Variants in PTPRN2 observed in about 807,000 individuals in gnomAD.
The protein encoded by PTPRN2 is protein tyrosine phosphatase receptor type N2, also known as receptor-type tyrosine-protein phosphatase N2.
A neutral mutation model predicts 118.8 loss-of-function variants in PTPRN2; 74 were observed. That is an observed-to-expected ratio of 0.62 (90% confidence interval 0.52 to 0.76). The LOEUF (loss-of-function observed/expected upper bound fraction) is 0.76, where lower values mean the gene tolerates loss of function less well. Ranked by LOEUF, PTPRN2 falls within the 30% of genes least tolerant of loss-of-function variation. PTPRN2 has a pLI of 0.00. For synonymous variants in PTPRN2, 641 were observed against 608.0 expected (o/e 1.05, Z -0.80); for missense variants, 1,481 against 1,394.4 (o/e 1.06, Z -0.99).
At chr7:157,561,584 A>AG (rs1260898831) in intron 21 of PTPRN2, among the ~76,000 whole-genome samples, 1 of 152,260 alleles carries the variant, frequency 6.6e-6, no homozygotes, top group East Asian at 1.9e-4. Flanking sequence ...GGCTGACCGG[A>AG]GGCCTTGAGG....
intron 12 of PTPRN2, among the ~76,000 whole-genome samples, chr7:157,850,160 C>T (rs147046433): frequency 4.2e-4 from 64 of 152,338 alleles, no homozygotes; most frequent in African/African-American, 1.3e-3. Flanking sequence ...CACCCAACAC[C>T]AGCATTTCCA....
chr7:157,957,041 C>T (rs1801226406), intron 11 of PTPRN2, among the ~76,000 whole-genome samples: 1 of 152,160 alleles, frequency 6.6e-6, no homozygotes, highest in African/African-American at 2.4e-5. Flanking sequence ...AACATCAGAA[C>T]CACATGAGCG....
At chr7:157,970,636 A>ACT (rs750195351) in intron 11 of PTPRN2, among the ~76,000 whole-genome samples, 1 of 111,502 alleles carries the variant, frequency 9.0e-6, no homozygotes, top group African/African-American at 3.5e-5. Flanking sequence ...CTCAGAGCGG[A>ACT]CCCCCCCCCC....
At chr7:158,413,230 A>C (rs1039891783) in intron 2 of PTPRN2, among the ~76,000 whole-genome samples, 1 of 152,262 alleles carries the variant, frequency 6.6e-6, no homozygotes. Flanking sequence ...AATCCACAGC[A>C]AGACAAATTT....
intron 6 of PTPRN2, among the ~76,000 whole-genome samples, chr7:158,141,975 C>T (rs988198659): frequency 3.3e-5 from 5 of 152,148 alleles, no homozygotes; most frequent in South Asian, 2.1e-4. Context: ...CTGGGGTGGC[C>T]GAGTGCCCCG....
intron 3 of PTPRN2, among the ~76,000 whole-genome samples, chr7:158,277,624 C>T (rs1235131792): frequency 6.6e-6 from 1 of 152,224 alleles, no homozygotes; most frequent in African/African-American, 2.4e-5. Context: ...TGCCACACTG[C>T]TGCACGAGGT....
In PTPRN2 at chr7:157,629,662, A is replaced by G. The variant is rs1469925635; in HGVS notation, c.2197-8153T>C. 6.6e-6 allele frequency among the ~76,000 whole-genome samples: 1 copy of G among 152,174 alleles called. No homozygotes were observed. Among genetic ancestry groups the G allele is most frequent in the Non-Finnish European group, 1.5e-5 (1 of 68,042 alleles). On this transcript the variant is annotated intron_variant, in intron 14 of 22. Coordinates refer to ENST00000389418, the MANE Select transcript of PTPRN2 (RefSeq NM_002847.5). The surrounding 1 kb of genome is among the most constrained non-coding windows in gnomAD (Gnocchi z 4.4). ...TGTCCTGGTGAAACTTCGTTCCTAC[A>G]ACGATGCTGCCAGCAGTGGAGACTT...
intron 2 of PTPRN2, among the ~76,000 whole-genome samples, chr7:158,434,174 T>G (rs953042925): frequency 6.6e-6 from 1 of 152,240 alleles, no homozygotes; most frequent in Non-Finnish European, 1.5e-5. Context: ...GGTTCTATTT[T>G]GATAGTTGCA....
chr7:158,230,325 C>T (rs1215126061), intron 3 of PTPRN2, among the ~76,000 whole-genome samples: 1 of 152,086 alleles, frequency 6.6e-6, no homozygotes, highest in East Asian at 1.9e-4. Flanking sequence ...ATAAAACACA[C>T]CGGTAAAAGT....
intron 21 of PTPRN2, among the ~76,000 whole-genome samples, chr7:157,563,083 C>G (rs1799287443): frequency 1.5e-5 from 2 of 133,194 alleles, no homozygotes; most frequent in Admixed American, 7.1e-5. Context: ...GGACCACGTG[C>G]TCCCACGTCA....
Position 158,156,575 on chromosome 7 carries a change from C to T in PTPRN2, c.910+10356G>A, listed in dbSNP as rs564470154. Among the ~76,000 whole-genome samples, 47 of 152,310 alleles carry T rather than the reference C, an allele frequency of 3.1e-4. No homozygotes were observed. The South Asian group carries it at 8.3e-3, about 27-fold the overall frequency. On this transcript the variant is annotated intron_variant, in intron 6 of 22. Transcript: ENST00000389418. ...TTACCTCGAAAAGTTCTAGAAATGC[C>T]GGTGGAGAGGGCAGGTGAACACACA...
At chr7:158,494,319 C>T (rs1053162211) in intron 1 of PTPRN2, among the ~76,000 whole-genome samples, 4 of 152,256 alleles carry the variant, frequency 2.6e-5, no homozygotes, top group African/African-American at 7.2e-5. Flanking sequence ...CTACCACCAC[C>T]GTGGAAGGCC....
At chr7:157,882,139 C>T (rs1394385899) in intron 12 of PTPRN2, among the ~76,000 whole-genome samples, 13 of 151,288 alleles carry the variant, frequency 8.6e-5, no homozygotes, top group Admixed American at 1.3e-4. Flanking sequence ...AAATGACTGT[C>T]GAAGAACAGA....
chr7:157,571,528 G>A, intron 19 of PTPRN2, 35 bp from the exon 20 acceptor site: 1 of 1,509,322 alleles, frequency 6.6e-7, no homozygotes, highest in Non-Finnish European at 9.1e-7. Flanking sequence ...TTATCGTTGT[G>A]TACTAAGACT....
At chr7:158,061,111 T>C (rs73748010) in intron 11 of PTPRN2, among the ~76,000 whole-genome samples, 12,590 of 152,270 alleles carry the variant, frequency 0.083, 1,193 homozygotes, top group African/African-American at 0.24. Context: ...GTCGCTCAGC[T>C]GCCGGCTCAC....
intron 9 of PTPRN2, among the ~76,000 whole-genome samples, chr7:158,125,079 G>C (rs749195910): frequency 1.3e-5 from 2 of 152,126 alleles, no homozygotes; most frequent in Non-Finnish European, 2.9e-5. Flanking sequence ...AGCCGGGTGG[G>C]GCACAGAGCC....
rs1801336922 is a variant in PTPRN2 at position 157,596,279 on chromosome 7, G to A, written c.2419-964C>T. Reference sequence around the variant, plus strand: ...GGGCACAGGCACAGCCGGTCAGCCTGGGCCTGGGTCTGTGGCAGAGCCGGG... The same window carrying A: ...GGGCACAGGCACAGCCGGTCAGCCTAGGCCTGGGTCTGTGGCAGAGCCGGG... On this transcript the variant is annotated intron_variant, in intron 16 of 22. Coordinates refer to ENST00000389418, the MANE Select transcript of PTPRN2 (RefSeq NM_002847.5). The surrounding 1 kb of genome is among the most constrained non-coding windows in gnomAD (Gnocchi z 4.2). Among the ~76,000 whole-genome samples the A allele has an allele frequency of 6.6e-6, 1 of 152,204 alleles. No individual in the cohort carries two copies. The highest frequency in any genetic ancestry group is 1.5e-5 in the Non-Finnish European group (1 of 68,038).
At chr7:158,001,537 C>T (rs1346836325) in intron 11 of PTPRN2, among the ~76,000 whole-genome samples, 1 of 152,074 alleles carries the variant, frequency 6.6e-6, no homozygotes. Flanking sequence ...CGGCTGGGGA[C>T]GTGCACAGCA....
chr7:158,097,446 G>A (rs1814721929), intron 10 of PTPRN2, among the ~76,000 whole-genome samples: 1 of 152,230 alleles, frequency 6.6e-6, no homozygotes, highest in African/African-American at 2.4e-5. Context: ...CCCACCAGGA[G>A]AGCACATGAA....
Sources: gnomAD v4.1 joint callset for allele counts (sites outside exome capture counted in the v4.1 genomes callset) on GRCh38, gnomAD v4.1.1 for gene constraint, Gnocchi (gnomAD v3.1) non-coding constraint, MANE v1.5 for transcripts, NCBI Gene and HGNC (gene_info 2026-07-23, HGNC 2026-07-21) for gene names.